CSMD1: variants seen among roughly 807,000 people sequenced by gnomAD.
CSMD1 encodes CUB and Sushi multiple domains 1.
In CSMD1, 213 loss-of-function variants were observed where a neutral mutation model predicts 417.5. The observed-to-expected ratio is 0.51, with a 90% CI of 0.46 to 0.57. The LOEUF is 0.57. CSMD1 is among the 20% of genes least tolerant of loss of function. The pLI is 0.00. For synonymous variants in CSMD1, 2,862 were observed against 1,736.8 expected, an observed-to-expected ratio of 1.65 and a Z score of -16.11; for missense variants, 6,923 against 4,529.7, an observed-to-expected ratio of 1.53 and a Z score of -15.17.
At chr8:4,454,727 G>C (rs1799366048) in intron 2 of CSMD1, among the ~76,000 whole-genome samples, 1 of 152,138 alleles carries the variant, frequency 6.6e-6, no homozygotes, top group Non-Finnish European at 1.5e-5. Flanking sequence ...TAAGTAAATG[G>C]ATAAAACTAT....
At chr8:3,783,071 C>T (rs998016787) in intron 5 of CSMD1, among the ~76,000 whole-genome samples, 6 of 152,076 alleles carry the variant, frequency 3.9e-5, no homozygotes, top group African/African-American at 9.7e-5. Context: ...AAAGCAAGTC[C>T]CCATCTCCCC....
At chr8:3,821,138 G>A (rs192922226) in intron 5 of CSMD1, among the ~76,000 whole-genome samples, 4 of 151,348 alleles carry the variant, frequency 2.6e-5, no homozygotes, top group African/African-American at 7.3e-5. Flanking sequence ...GGCTGGTCTC[G>A]AACTCCTGAC....
chr8:3,718,690 C>G (rs897601989), intron 6 of CSMD1, among the ~76,000 whole-genome samples: 5 of 152,148 alleles, frequency 3.3e-5, no homozygotes, highest in African/African-American at 1.2e-4. Flanking sequence ...TGACTGAACT[C>G]TTTACTAATG....
chr8:4,401,148 C>G (rs190354486), intron 3 of CSMD1, among the ~76,000 whole-genome samples: 10 of 152,128 alleles, frequency 6.6e-5, no homozygotes, highest in Admixed American at 5.9e-4. Flanking sequence ...AGCTGGGAGT[C>G]GAGGATTCAT....
chr8:4,081,141 T>C (rs1427489356), intron 3 of CSMD1, among the ~76,000 whole-genome samples: 3 of 152,184 alleles, frequency 2.0e-5, no homozygotes, highest in African/African-American at 7.2e-5. Flanking sequence ...CTCTTGATCT[T>C]AGACTTCCCA....
intron 1 of CSMD1, among the ~76,000 whole-genome samples, chr8:4,887,787 CTTCGT>C (rs1803854239): frequency 6.6e-6 from 1 of 151,914 alleles, no homozygotes; most frequent in Non-Finnish European, 1.5e-5. Flanking sequence ...AAATGTCTCA[CTTCGT>C]TTCTAGTGAC....
chr8:4,910,708 T>C (rs144755619), intron 1 of CSMD1, among the ~76,000 whole-genome samples: 13 of 152,338 alleles, frequency 8.5e-5, no homozygotes, highest in Admixed American at 5.9e-4. Context: ...TGTTTTAAGA[T>C]ATTCTTTGTA....
In CSMD1 at chr8:4,267,033, T is replaced by A. The variant is rs549142543; in HGVS notation, c.415+152920A>T. ...AAAACAAAAGCATAAAACCTAGTAA[T>A]GTAACAGAAACCATTCCTGTTAAAG... On this transcript the variant is annotated intron_variant, in intron 3 of 69. Coordinates refer to ENST00000635120, the MANE Select transcript of CSMD1 (RefSeq NM_033225.6). 1.9e-5 allele frequency among the ~76,000 whole-genome samples: 2 copies of A among 104,276 alleles called. 1 individual carries two copies. The highest frequency in any genetic ancestry group is 7.5e-4 in the South Asian group (2 of 2,664). 68.4% of individuals were successfully genotyped at this position (104,276 alleles called of 152,430 possible). A position where few individuals can be genotyped will look rare whatever the true frequency, so the allele number is the denominator to read the frequency against.
intron 1 of CSMD1, among the ~76,000 whole-genome samples, chr8:4,962,788 A>G (rs527529435): frequency 1.4e-4 from 21 of 152,158 alleles, no homozygotes; most frequent in Non-Finnish European, 1.9e-4. Context: ...GGGACAAAAA[A>G]TTACACTCCT....
At chr8:4,746,543 G>A (rs575651984) in intron 1 of CSMD1, among the ~76,000 whole-genome samples, 2 of 152,352 alleles carry the variant, frequency 1.3e-5, no homozygotes, top group South Asian at 2.1e-4. Flanking sequence ...GATCAGTGAA[G>A]ACGAAGGGCT....
intron 1 of CSMD1, among the ~76,000 whole-genome samples, chr8:4,826,550 G>A (rs188433444): frequency 1.3e-5 from 2 of 152,204 alleles, no homozygotes; most frequent in Admixed American, 6.5e-5. Context: ...TCTATAATGC[G>A]TAGTGACCAA....
chr8:4,268,320 C>T (rs945628692), intron 3 of CSMD1, among the ~76,000 whole-genome samples: 6 of 152,006 alleles, frequency 3.9e-5, no homozygotes, highest in African/African-American at 7.2e-5. Flanking sequence ...ACCATTATGA[C>T]CTGAATATTA....
At chr8:3,518,531 A>T (rs1396510976) in intron 10 of CSMD1, among the ~76,000 whole-genome samples, 1 of 152,230 alleles carries the variant, frequency 6.6e-6, no homozygotes, top group East Asian at 1.9e-4. Flanking sequence ...ATGATCAATG[A>T]TTGCCATAAA....
At chr8:3,397,971 C>T (rs1056772444) in intron 16 of CSMD1, among the ~76,000 whole-genome samples, 9 of 152,234 alleles carry the variant, frequency 5.9e-5, no homozygotes, top group Admixed American at 5.2e-4. Context: ...TGTACTATGT[C>T]TAGAGTACAG....
chr8:3,475,732 A>G (rs1235123663), intron 11 of CSMD1, among the ~76,000 whole-genome samples: 4 of 152,220 alleles, frequency 2.6e-5, no homozygotes, highest in Admixed American at 2.0e-4. Flanking sequence ...AACAGTGATT[A>G]TTTCTCCAAT....
chr8:3,035,625 C>G (rs1237737314), intron 50 of CSMD1, among the ~76,000 whole-genome samples: 1 of 152,204 alleles, frequency 6.6e-6, no homozygotes, highest in African/African-American at 2.4e-5. Context: ...GAATAACAAA[C>G]TCCTTGAATG....
intron 7 of CSMD1, among the ~76,000 whole-genome samples, chr8:3,678,310 AACT>A: frequency 6.6e-6 from 1 of 152,320 alleles, no homozygotes; most frequent in African/African-American, 2.4e-5. Flanking sequence ...ACGAATGGCT[AACT>A]AGAATAACCA....
intron 8 of CSMD1, among the ~76,000 whole-genome samples, chr8:3,587,968 C>T (rs192759499): frequency 2.6e-5 from 4 of 152,164 alleles, no homozygotes; most frequent in African/African-American, 2.4e-5. Context: ...GTCGTGATTC[C>T]CATTTTCATT....
chr8:4,504,658 G>C (rs552040872), intron 2 of CSMD1, among the ~76,000 whole-genome samples: 1 of 152,018 alleles, frequency 6.6e-6, no homozygotes, highest in Non-Finnish European at 1.5e-5. Context: ...ACAAACCCCA[G>C]TGTGTGATGT....
Sources: gnomAD v4.1 joint callset for allele counts (sites outside exome capture counted in the v4.1 genomes callset) on GRCh38, gnomAD v4.1.1 for gene constraint, MANE v1.5 for transcripts, NCBI Gene and HGNC (gene_info 2026-07-23, HGNC 2026-07-21) for gene names.